The following TRPM3 variants were observed in gnomAD, a reference collection of about 807,000 sequenced individuals.
TRPM3 encodes the protein long transient receptor potential channel 3.
A neutral mutation model predicts 181.2 loss-of-function variants in TRPM3; 77 were observed. The observed-to-expected ratio is 0.42, with a 90% CI of 0.35 to 0.51. The LOEUF (loss-of-function observed/expected upper bound fraction) is 0.51, where lower values mean the gene tolerates loss of function less well. TRPM3 is among the 20% of genes least tolerant of loss of function. The pLI is 0.01. For missense variants in TRPM3, 1,759 were observed against 2,196.7 expected, an observed-to-expected ratio of 0.80 and a Z score of 3.98; for synonymous variants, 745 against 796.4, an observed-to-expected ratio of 0.94 and a Z score of 1.09.
At chr9:71,123,183 G>A (rs2073824822), upstream of TRPM3, among the ~76,000 whole-genome samples, 4 of 152,162 alleles carry the variant, frequency 2.6e-5, no homozygotes, top group South Asian at 8.3e-4. Flanking sequence ...GGGACTTCAG[G>A]AATAAAACCA....
At chr9:71,400,713 C>T (rs1020460078) in intron 1 of TRPM3, among the ~76,000 whole-genome samples, 16 of 151,704 alleles carry the variant, frequency 1.1e-4, no homozygotes, top group Non-Finnish European at 2.1e-4. Context: ...TAATCTACTG[C>T]CAAAATATTA....
intron 1 of TRPM3, among the ~76,000 whole-genome samples, chr9:71,010,285 G>T (rs1248632170): frequency 1.3e-5 from 2 of 152,176 alleles, no homozygotes; most frequent in East Asian, 3.9e-4. Flanking sequence ...GTAACAGAGT[G>T]AATAAACAAC....
chr9:70,671,713 T>C (rs1007670699), intron 9 of TRPM3, among the ~76,000 whole-genome samples: 1 of 152,208 alleles, frequency 6.6e-6, no homozygotes, highest in Non-Finnish European at 1.5e-5. Context: ...CATAGATTTA[T>C]AGGTGCTTGC....
At chr9:70,586,934 C>T (rs1208270758) in intron 22 of TRPM3, among the ~76,000 whole-genome samples, 1 of 151,602 alleles carries the variant, frequency 6.6e-6, no homozygotes, top group Non-Finnish European at 1.5e-5. Flanking sequence ...CATGCACACA[C>T]ATGACAAAAA....
At position 70,827,950 on chromosome 9, in the gene TRPM3, G is replaced by A. The variant is rs1414276261; in HGVS notation, c.870C>T (p.Ser290=). 6.2e-7 allele frequency: 1 copy of A among 1,614,024 alleles called. No homozygotes were observed. The highest frequency in any genetic ancestry group is 2.2e-5 in the East Asian group (1 of 44,890). ...TCCCGTTGTCAGCCAGAATGAAGTG[G>A]GAATGCATGCTGTTGAGAACAGTGA... The part of the protein sequence containing the change: ...SKLTVLNSMH[S]HFILADNGTT... The change falls in exon 6 of 26, where the codon TCC becomes TCT. Residue 290 remains serine, a synonymous_variant. Coordinates refer to ENST00000677713, the MANE Select transcript of TRPM3 (RefSeq NM_001366145.2).
chr9:70,761,723 G>C lies in TRPM3; in HGVS notation c.1150C>G (p.Leu384Val). The change falls in exon 8 of 26, where the codon CTG (leucine) becomes GTG (valine). Residue 384 changes from leucine (L) to valine (V), a missense_variant and splice_region_variant. Coordinates refer to ENST00000677713, the MANE Select transcript of TRPM3 (RefSeq NM_001366145.2). ...TGGTCCCTCAAAGATTCATTTATCA[G>C]TCTGCAAGTAAAAACAATGTCAAAA... ...FGHKYSEEGG[L>V]INESLRDQLL... 2 of 1,607,838 alleles carry C rather than the reference G, an allele frequency of 1.2e-6. No individual in the cohort carries two copies. Among genetic ancestry groups the C allele is most frequent in the Non-Finnish European group, 1.7e-6 (2 of 1,175,404 alleles).
rs1260636950 is a variant in TRPM3 at position 70,533,560 on chromosome 9, C to A, written c.*2393G>T. 6.6e-6 allele frequency: 1 copy of A among 152,116 alleles called. No homozygotes were observed. Among genetic ancestry groups the A allele is most frequent in the African/African-American group, 2.4e-5 (1 of 41,416 alleles). The allele number at this position is 152,116 out of a possible 1,614,324, so 9.4% of individuals were successfully genotyped here. A position where few individuals can be genotyped will look rare whatever the true frequency, so the allele number is the denominator to read the frequency against. On this transcript the variant is annotated 3_prime_UTR_variant, in exon 26 of 26. Transcript: ENST00000677713. Reference sequence around the variant, plus strand: ...AGAACCAGGGGCTCATGAACCCTTTCAAGTTATATTGCAACTTTGCATTAT... The same window carrying A: ...AGAACCAGGGGCTCATGAACCCTTTAAAGTTATATTGCAACTTTGCATTAT...
At chr9:71,155,559 T>G (rs184858138) in intron 1 of TRPM3, among the ~76,000 whole-genome samples, 79 of 143,210 alleles carry the variant, frequency 5.5e-4, no homozygotes, top group African/African-American at 2.0e-3. Flanking sequence ...TTCACCACGT[T>G]GGCCAGGCTG....
chr9:71,280,511 C>T (rs1474249151), intron 1 of TRPM3, among the ~76,000 whole-genome samples: 1 of 148,576 alleles, frequency 6.7e-6, no homozygotes, highest in Non-Finnish European at 1.5e-5. Context: ...GGGGCCATCT[C>T]AGAAAAAAAA....
Position 70,605,483 on chromosome 9 carries a change from T to C in TRPM3, c.2668-2013A>G, listed in dbSNP as rs576110745. 7.3e-5 allele frequency among the ~76,000 whole-genome samples: 11 copies of C among 151,116 alleles called. 1 individual carries two copies. The East Asian group carries it at 2.2e-3, about 30-fold the overall frequency. On this transcript the variant is annotated intron_variant, in intron 19 of 25. Coordinates refer to ENST00000677713, the MANE Select transcript of TRPM3 (RefSeq NM_001366145.2). ...CCCAGGGGCCTATCATTTCAACCTA[T>C]GCCTAAGTTCCTACCCCTCCCCATC...
intron 1 of TRPM3, among the ~76,000 whole-genome samples, chr9:71,204,206 A>G (rs2078981476): frequency 6.6e-6 from 1 of 151,320 alleles, no homozygotes. Context: ...GCCAAAATTG[A>G]CAAATGGGAT....
intron 1 of TRPM3, among the ~76,000 whole-genome samples, chr9:70,872,237 C>T (rs1315349227): frequency 1.3e-5 from 2 of 151,862 alleles, no homozygotes; most frequent in Non-Finnish European, 2.9e-5. Context: ...TGGTTTTGTT[C>T]CAATAAAACA....
intron 1 of TRPM3, among the ~76,000 whole-genome samples, chr9:70,960,917 A>G (rs1299911930): frequency 6.6e-6 from 1 of 152,228 alleles, no homozygotes; most frequent in African/African-American, 2.4e-5. Flanking sequence ...TTCAAAGCCC[A>G]TCACTGAAAG....
chr9:70,907,989 T>C (rs889070006), intron 1 of TRPM3, among the ~76,000 whole-genome samples: 2 of 152,226 alleles, frequency 1.3e-5, no homozygotes, highest in Non-Finnish European at 2.9e-5. Context: ...ATGTCTTTGC[T>C]ATTGGGAATA....
rs967600420 is a variant in TRPM3 at position 71,197,319 on chromosome 9, C to T, written c.183+249334G>A. On this transcript the variant is annotated intron_variant, in intron 1 of 24. Coordinates refer to the TRPM3 transcript ENST00000357533. ...AAGTCTTTGCTATTGTGAATAGTGC[C>T]GCAATAAACATACGTGTGCATGTGT... 4.9e-4 allele frequency among the ~76,000 whole-genome samples: 74 copies of T among 152,060 alleles called. 2 individuals carry two copies. The highest frequency in any genetic ancestry group is 7.5e-4 in the Non-Finnish European group (51 of 67,982).
At position 70,957,080 on chromosome 9, in the gene TRPM3, C is replaced by G. The variant is rs377309268; in HGVS notation, c.178-92569G>C. Among the ~76,000 whole-genome samples the G allele has an allele frequency of 2.4e-4, 37 of 151,800 alleles. No homozygotes were observed. In the East Asian group the frequency reaches 5.9e-3, roughly 24 times the overall value. ...GGTTCAAGTGATTCTCCTGCCTCAG[C>G]CTCCTGAGTAGCTGGGACTACAGGC... is the stretch of plus-strand genomic sequence containing the variant. On this transcript the variant is annotated intron_variant, in intron 1 of 25. Transcript: ENST00000677713.
chr9:70,649,477 T>C (rs1414292323), intron 9 of TRPM3, among the ~76,000 whole-genome samples: 1 of 152,062 alleles, frequency 6.6e-6, no homozygotes, highest in Non-Finnish European at 1.5e-5. Flanking sequence ...GTGTGAGCCA[T>C]CACACCCAGC....
chr9:70,917,648 C>A, intron 1 of TRPM3: 2 of 420,260 alleles, frequency 4.8e-6, no homozygotes, highest in Non-Finnish European at 8.8e-6. Flanking sequence ...AGTAAATACA[C>A]AAAAATAAAA....
At chr9:71,179,637 G>A (rs186431712) in intron 1 of TRPM3, among the ~76,000 whole-genome samples, 2 of 152,244 alleles carry the variant, frequency 1.3e-5, no homozygotes, top group African/African-American at 4.8e-5. Context: ...GGAAATCACA[G>A]ACTCCATGTT....
Sources: gnomAD v4.1 joint callset for allele counts (sites outside exome capture counted in the v4.1 genomes callset) on GRCh38, gnomAD v4.1.1 for gene constraint, MANE v1.5 for transcripts, NCBI Gene and HGNC (gene_info 2026-07-23, HGNC 2026-07-21) for gene names.